Variants in NFRKB observed in about 807,000 individuals in gnomAD.
NFRKB encodes nuclear factor related to kappa-B-binding protein.
A neutral mutation model predicts 135.7 loss-of-function variants in NFRKB; 62 were observed. That is an observed-to-expected ratio of 0.46 (90% confidence interval 0.37 to 0.56). The LOEUF is 0.56. Among genes scored for constraint, NFRKB ranks in the 20% least tolerant of loss-of-function variants. The probability of loss-of-function intolerance (pLI) is 0.00; values close to 1 mark genes in which losing one functional copy is unlikely to be tolerated. For missense variants in NFRKB, 1,545 were observed against 1,662.0 expected (o/e 0.93, Z 1.22); for synonymous variants, 678 against 635.6 (o/e 1.07, Z -1.00).
rs1050918533 is a variant in NFRKB, at chr11:129,873,030, C to T, written c.2617G>A (p.Gly873Arg). 8 of 1,614,086 alleles carry T rather than the reference C, an allele frequency of 5.0e-6. No homozygotes were observed. Among genetic ancestry groups the T allele is most frequent in the South Asian group, 1.1e-5 (1 of 91,088 alleles). ...CTTGTCACCGTGAGCCCTGTCTGCCCGGGTCCAGGCCGCTGCACAGTGGCT... is the reference window on the plus strand; with the variant it reads ...CTTGTCACCGTGAGCCCTGTCTGCCTGGGTCCAGGCCGCTGCACAGTGGCT... ...TAATVQRPGP[G>R]QTGLTVTSLP... The change falls in exon 23 of 27, where the codon GGG (glycine) becomes AGG (arginine). Residue 873 changes from glycine (G) to arginine (R), a missense_variant. Physicochemically the swap from Gly to Arg is moderately radical, Grantham distance 125. Coordinates refer to ENST00000682444, the MANE Select transcript of NFRKB (RefSeq NM_001143835.2).
At chr11:129,879,140 T>C (rs780696362) in intron 13 of NFRKB, among the ~76,000 whole-genome samples, 58 of 152,174 alleles carry the variant, frequency 3.8e-4, no homozygotes, top group Non-Finnish European at 6.2e-4. Flanking sequence ...CTGTGTCTCC[T>C]GCCCAGCATA....
intron 15 of NFRKB, 136 bp from the exon 16 acceptor site, chr11:129,877,521 G>C (rs1948823787): frequency 1.3e-6 from 1 of 794,156 alleles, no homozygotes; most frequent in Non-Finnish European, 2.1e-6. Context: ...CAAAGGCGAA[G>C]AGCCCACCTT....
chr11:129,895,150 C>CT (rs1949716298), intron 1 of NFRKB, among the ~76,000 whole-genome samples: 1 of 152,230 alleles, frequency 6.6e-6, no homozygotes. Context: ...CCTGGTCTAA[C>CT]TTTCCCCGCT....
At chr11:129,880,035 A>G (rs553083942) in intron 13 of NFRKB, among the ~76,000 whole-genome samples, 69 of 152,246 alleles carry the variant, frequency 4.5e-4, no homozygotes, top group Non-Finnish European at 8.7e-4. Context: ...AAAGATACAA[A>G]AAACAGCCAG....
intron 4 of NFRKB, among the ~76,000 whole-genome samples, chr11:129,887,873 TAAAAACACAA>T: frequency 6.6e-6 from 1 of 152,132 alleles, no homozygotes; most frequent in East Asian, 1.9e-4. Flanking sequence ...CTGTCTCTAC[TAAAAACACAA>T]AAAATTAGCC....
At chr11:129,876,114 T>C (rs1948754465) in intron 17 of NFRKB, among the ~76,000 whole-genome samples, 1 of 152,232 alleles carries the variant, frequency 6.6e-6, no homozygotes, top group South Asian at 2.1e-4. Context: ...GCTGTGATGG[T>C]GTAATAGAAA....
chr11:129,868,140 A>G (rs1948298284), intron 24 of NFRKB, among the ~76,000 whole-genome samples: 2 of 152,178 alleles, frequency 1.3e-5, no homozygotes, highest in African/African-American at 4.8e-5. Flanking sequence ...TGTAGAGCAA[A>G]AGACTCCATA....
rs1379256468 is a variant in NFRKB at position 129,864,583 on chromosome 11, C to T, written c.*142G>A. 1.9e-5 allele frequency: 23 copies of T among 1,193,470 alleles called. No individual in the cohort carries two copies. The highest frequency in any genetic ancestry group is 1.2e-4 in the South Asian group (8 of 68,634). The allele number at this position is 1,193,470 out of a possible 1,614,324, so 73.9% of individuals were successfully genotyped here. Reference sequence around the variant, plus strand: ...GCACGTGGCAGCAGAATCCAGGCCACGAATCCAGGCCACCGTTGCCATCAC... The same window carrying T: ...GCACGTGGCAGCAGAATCCAGGCCATGAATCCAGGCCACCGTTGCCATCAC... On this transcript the variant is annotated 3_prime_UTR_variant, in exon 27 of 27. Coordinates refer to ENST00000682444, the MANE Select transcript of NFRKB (RefSeq NM_001143835.2).
In NFRKB at chr11:129,886,400, A is replaced by G. The variant is rs781194664; in HGVS notation, c.382T>C (p.Phe128Leu). ...AGGTAGCGCTTGTACTGTGACTTGA[A>G]GCATAACTGCCGGTACTTGACCACC... is the stretch of plus-strand genomic sequence containing the variant. ...PEVVKYRQLC[F>L]KSQYKRYLNS... is the part of the protein sequence containing the mutation. Residue 128 changes from phenylalanine to leucine, a missense_variant, in exon 5 of 27, where the codon TTC (phenylalanine) becomes CTC (leucine). Transcript: ENST00000682444. 5.0e-6 allele frequency: 8 copies of G among 1,613,994 alleles called. No homozygotes were observed. The highest frequency in any genetic ancestry group is 1.7e-5 in the Admixed American group (1 of 60,004).
In NFRKB at chr11:129,864,745, G is replaced by A. The variant is rs1948108333; in HGVS notation, c.3880C>T (p.Gln1294Ter). The stretch of plus-strand genomic sequence containing the variant: ...CATAATCATTGTTGCTCAGGTGCCT[G>A]TTTAGGAGACGGAGCTGTAGTCACA... ...VVVTTAPSPK[Q>*]APEQQ The change falls in exon 27 of 27, where the codon CAG (glutamine) becomes TAG (stop). Residue 1294 changes from glutamine to a stop codon, truncating the protein, a stop_gained. Coordinates refer to ENST00000682444, the MANE Select transcript of NFRKB (RefSeq NM_001143835.2). LOFTEE classifies it high-confidence loss of function. The A allele has an allele frequency of 3.1e-6, 5 of 1,614,108 alleles. No individual in the cohort carries two copies. Among genetic ancestry groups the A allele is most frequent in the African/African-American group, 1.3e-5 (1 of 74,930 alleles).
At chr11:129,869,430 G>T in intron 24 of NFRKB, 64 bp downstream of exon 24, 1 of 1,494,484 alleles carries the variant, frequency 6.7e-7, no homozygotes, top group South Asian at 1.3e-5. Flanking sequence ...TCGGGTAATG[G>T]GCAGTTGAGC....
intron 23 of NFRKB, 46 bp from the exon 24 acceptor site, chr11:129,870,307 C>G: frequency 6.4e-7 from 1 of 1,564,058 alleles, no homozygotes; most frequent in Non-Finnish European, 8.7e-7. Context: ...CAATAGTAAA[C>G]CGGTTACAAA....
chr11:129,872,614 A>C, intron 23 of NFRKB: 1 of 285,662 alleles, frequency 3.5e-6, no homozygotes, highest in Non-Finnish European at 6.5e-6. Context: ...TTCACTAAAT[A>C]AACTCATGAA....
At chr11:129,877,017 T>A (rs537918036) in intron 16 of NFRKB, 122 bp from the exon 17 acceptor site, 2 of 1,028,114 alleles carry the variant, frequency 1.9e-6, no homozygotes, top group Non-Finnish European at 2.8e-6. Context: ...AGTGATTCTA[T>A]GATTCTAGTA....
At chr11:129,878,264 TAC>T (rs1948864204) in intron 15 of NFRKB, 43 bp downstream of exon 15, 1 of 1,599,294 alleles carries the variant, frequency 6.3e-7, no homozygotes, top group African/African-American at 1.3e-5. Context: ...GTATCTGAAC[TAC>T]AGTTTCCCAG....
In NFRKB at chr11:129,874,170, G is replaced by A. The variant is rs141128592; in HGVS notation, c.2222C>T (p.Ser741Leu). The A allele has an allele frequency of 2.0e-5, 30 of 1,524,392 alleles. No homozygotes were observed. The highest frequency in any genetic ancestry group is 1.8e-4 in the African/African-American group (13 of 71,894). The allele number at this position is 1,524,392 out of a possible 1,614,324, so 94.4% of individuals were successfully genotyped here. The change falls in exon 21 of 27, where the codon TCG (serine) becomes TTG (leucine). Residue 741 changes from serine to leucine, a missense_variant. Coordinates refer to ENST00000682444, the MANE Select transcript of NFRKB (RefSeq NM_001143835.2). This position sits in a 1 kb window ranked among gnomAD's most constrained non-coding sequence, Gnocchi z 4.5. ...GGAAGGGCCGCTTTTGTTCACTGCC[G>A]ATACAGGTGGAGGGGAGATGGGAAT... ...PAIPISPPPV[S>L]AVNKSGPSTV...
rs1476349385 is a variant in NFRKB at position 129,878,492 on chromosome 11, A to G, written c.1436T>C (p.Leu479Pro). Residue 479 changes from leucine to proline, a missense_variant, in exon 14 of 27, where the codon CTA (leucine) becomes CCA (proline). Physicochemically the swap from Leu to Pro is moderately conservative, Grantham distance 98. This residue lies in a region of NFRKB where 678 missense variants were observed against 646.7 expected (regional missense o/e 1.05). Transcript: ENST00000682444. ...KELAALFQLW[L>P]ETKDQAFCKQ... ...ACAGAAGGCCTGATCTTTGGTCTCTAGCCATAGCTGGAAGAGGGCAGCTAA... is the reference window on the plus strand; with the variant it reads ...ACAGAAGGCCTGATCTTTGGTCTCTGGCCATAGCTGGAAGAGGGCAGCTAA... The G allele has an allele frequency of 2.5e-6, 4 of 1,614,190 alleles. No homozygotes were observed. Among genetic ancestry groups the G allele is most frequent in the Non-Finnish European group, 3.4e-6 (4 of 1,180,004 alleles).
Position 129,875,387 on chromosome 11 carries a change from C to G in NFRKB, c.1824G>C (p.Gln608His). Residue 608 changes from glutamine to histidine, a missense_variant, in exon 18 of 27, where the codon CAG becomes CAC. This residue lies in a region of NFRKB where 114 missense variants were observed against 211.0 expected (regional missense o/e 0.54). Coordinates refer to ENST00000682444, the MANE Select transcript of NFRKB (RefSeq NM_001143835.2). ...TGCTGGTGACATCTGGTGCAAGAAACTGGGAGTCCTTAAGCAGTTCACAGA... is the reference window on the plus strand; with the variant it reads ...TGCTGGTGACATCTGGTGCAAGAAAGTGGGAGTCCTTAAGCAGTTCACAGA... ...AEICELLKDS[Q>H]FLAPDVTSTQ... 1 of 1,613,504 alleles carries G rather than the reference C, an allele frequency of 6.2e-7. No individual in the cohort carries two copies. Among genetic ancestry groups the G allele is most frequent in the Middle Eastern group, 1.6e-4 (1 of 6,062 alleles).
intron 23 of NFRKB, 30 bp from the exon 24 acceptor site, chr11:129,870,291 G>T: frequency 1.9e-6 from 3 of 1,591,542 alleles, no homozygotes; most frequent in Non-Finnish European, 2.6e-6. Context: ...ACTGATGAGG[G>T]ATTCACAATA....
Sources: allele counts gnomAD v4.1 joint callset (sites outside exome capture counted in the v4.1 genomes callset), GRCh38; gene constraint gnomAD v4.1.1; regional missense constraint gnomAD v4.1.1; non-coding constraint Gnocchi (gnomAD v3.1); transcripts MANE v1.5; gene names NCBI Gene and HGNC (gene_info 2026-07-23, HGNC 2026-07-21).